The following INTU variants were observed in gnomAD, a reference collection of about 807,000 sequenced individuals.
The protein encoded by INTU is protein inturned.
A neutral mutation model predicts 100.5 loss-of-function variants in INTU; 68 were observed. That is an observed-to-expected ratio of 0.68 (90% confidence interval 0.56 to 0.83). INTU has a LOEUF of 0.83. INTU is among the 40% of genes least tolerant of loss of function. The pLI is 0.00. For synonymous variants in INTU, 357 were observed against 395.7 expected (o/e 0.90, Z 1.16); for missense variants, 1,071 against 1,114.7 (o/e 0.96, Z 0.56).
In INTU at chr4:127,649,446, C is replaced by T. The variant is rs147249065; in HGVS notation, c.682+5390C>T. ...ACTCATGAAGAATTATCTACCAACA[C>T]GATTCTACATATACAGGTTGAGTAC... On this transcript the variant is annotated intron_variant, in intron 2 of 15. Transcript: ENST00000335251. 2.0e-3 allele frequency among the ~76,000 whole-genome samples: 303 copies of T among 152,104 alleles called. 1 individual carries two copies. The highest frequency in any genetic ancestry group is 7.0e-3 in the African/African-American group (291 of 41,492).
At chr4:127,687,627 A>G (rs1216708603) in intron 7 of INTU, 51 bp from the exon 8 acceptor site, 18 of 1,476,828 alleles carry the variant, frequency 1.2e-5, no homozygotes, top group Non-Finnish European at 1.7e-5. Flanking sequence ...CACACAAAAA[A>G]TGACCACCAT....
chr4:127,686,301 A>T (rs911369188), intron 7 of INTU: 1 of 152,216 alleles, frequency 6.6e-6, no homozygotes, highest in Non-Finnish European at 1.5e-5. Flanking sequence ...CAAAATCTCC[A>T]ATCTGTCCAT....
intron 6 of INTU, chr4:127,675,888 A>G: frequency 3.3e-6 from 1 of 307,384 alleles, no homozygotes; most frequent in South Asian, 2.7e-5. Flanking sequence ...TCTAATTTCC[A>G]CCATTCTGTT....
At chr4:127,669,264 G>A in intron 5 of INTU, 110 bp downstream of exon 5, 2 of 545,542 alleles carry the variant, frequency 3.7e-6, no homozygotes, top group Non-Finnish European at 6.6e-6. Flanking sequence ...TATCTACAAT[G>A]TATGTATTAT....
At chr4:127,713,714 A>G (rs1486739360) in intron 14 of INTU, among the ~76,000 whole-genome samples, 1 of 152,192 alleles carries the variant, frequency 6.6e-6, no homozygotes, top group Non-Finnish European at 1.5e-5. Flanking sequence ...GCCTGTGAAC[A>G]AAGTGTTCCC....
At position 127,726,093 on chromosome 4, in the gene INTU, C is replaced by G. The variant is rs1165505021; in HGVS notation, c.*9657C>G. On this transcript the variant is annotated 3_prime_UTR_variant, in exon 16 of 16. Coordinates refer to ENST00000335251, the MANE Select transcript of INTU (RefSeq NM_015693.4). Reference sequence around the variant, plus strand: ...CTAGCATTTTTTAAAATATCAAATACTGTCTCATTATCATATGTTTAGCCC... The same window carrying G: ...CTAGCATTTTTTAAAATATCAAATAGTGTCTCATTATCATATGTTTAGCCC... 1 of 152,092 alleles carries G rather than the reference C, an allele frequency of 6.6e-6. No homozygotes were observed. Among genetic ancestry groups the G allele is most frequent in the African/African-American group, 2.4e-5 (1 of 41,418 alleles). The allele number at this position is 152,092 out of a possible 1,614,324, so 9.4% of individuals were successfully genotyped here.
intron 13 of INTU, among the ~76,000 whole-genome samples, chr4:127,710,267 A>C (rs1193403966): frequency 6.6e-6 from 1 of 152,126 alleles, no homozygotes; most frequent in Non-Finnish European, 1.5e-5. Context: ...GATGTAGTTC[A>C]TTTTAAAAGC....
intron 2 of INTU, among the ~76,000 whole-genome samples, chr4:127,644,804 T>G (rs966536291): frequency 6.6e-6 from 1 of 152,244 alleles, no homozygotes; most frequent in Non-Finnish European, 1.5e-5. Context: ...GACAGTCTTT[T>G]AAGTTTATCT....
At chr4:127,655,385 G>A (rs1208034424) in intron 2 of INTU, among the ~76,000 whole-genome samples, 2 of 151,040 alleles carry the variant, frequency 1.3e-5, no homozygotes, top group African/African-American at 4.9e-5. Flanking sequence ...TGATGGTGAT[G>A]TACAGATGGG....
intron 6 of INTU, among the ~76,000 whole-genome samples, chr4:127,682,313 A>G (rs1200742888): frequency 6.6e-6 from 1 of 152,102 alleles, no homozygotes; most frequent in Non-Finnish European, 1.5e-5. Context: ...ACGTATGTTT[A>G]TTGCAGCACT....
intron 12 of INTU, among the ~76,000 whole-genome samples, chr4:127,708,347 G>T (rs1730970296): frequency 6.6e-6 from 1 of 152,142 alleles, no homozygotes; most frequent in African/African-American, 2.4e-5. Flanking sequence ...AATGGCTCTG[G>T]TAGGAGGTTT....
At chr4:127,645,303 G>A (rs1010301673) in intron 2 of INTU, among the ~76,000 whole-genome samples, 38 of 151,982 alleles carry the variant, frequency 2.5e-4, no homozygotes, top group African/African-American at 9.2e-4. Flanking sequence ...GTTATTTTGG[G>A]GATACTTGCC....
chr4:127,681,837 T>G (rs1354921459), intron 6 of INTU, among the ~76,000 whole-genome samples: 1 of 151,432 alleles, frequency 6.6e-6, no homozygotes, highest in Non-Finnish European at 1.5e-5. Context: ...TGGGAGAAAA[T>G]TTTTGCAACC....
At chr4:127,700,160 C>A (rs1730587057) in intron 9 of INTU, 97 bp downstream of exon 9, 3 of 999,340 alleles carry the variant, frequency 3.0e-6, no homozygotes, top group Non-Finnish European at 4.5e-6. Context: ...ATATAATAAT[C>A]TTGAAATACA....
chr4:127,670,004 T>C (rs912050535), intron 5 of INTU, among the ~76,000 whole-genome samples: 1 of 151,826 alleles, frequency 6.6e-6, no homozygotes, highest in South Asian at 2.1e-4. Flanking sequence ...ATGAGCAACA[T>C]TGATGTCAAA....
chr4:127,716,373 T>C lies in INTU; in HGVS notation c.2766T>C (p.His922=). 1 of 1,592,202 alleles carries C rather than the reference T, an allele frequency of 6.3e-7. No individual in the cohort carries two copies. The highest frequency in any genetic ancestry group is 8.6e-7 in the Non-Finnish European group (1 of 1,169,506). ...CTCAAGAACTTTATGTCTGTTTTCATGACTCAGTCACAGAAATTGCCATTG... is the reference window on the plus strand; with the variant it reads ...CTCAAGAACTTTATGTCTGTTTTCACGACTCAGTCACAGAAATTGCCATTG... The part of the protein sequence containing the change: ...PKPQELYVCF[H]DSVTEIAIEI... The change falls in exon 16 of 16, where the codon CAT becomes CAC. Residue 922 remains histidine, a synonymous_variant. Coordinates refer to ENST00000335251, the MANE Select transcript of INTU (RefSeq NM_015693.4).
At chr4:127,684,777 A>T (rs1729741210) in intron 7 of INTU, among the ~76,000 whole-genome samples, 2 of 145,990 alleles carry the variant, frequency 1.4e-5, no homozygotes. Context: ...ACAGTTTTTC[A>T]TTTGATTCAT....
chr4:127,658,168 G>C (rs1011910124), intron 3 of INTU, among the ~76,000 whole-genome samples: 1 of 152,112 alleles, frequency 6.6e-6, no homozygotes, highest in African/African-American at 2.4e-5. Context: ...CCATTTATTT[G>C]TTTTAAACAT....
Position 127,674,154 on chromosome 4 carries a change from T to A in INTU, c.1122T>A (p.Ile374=), listed in dbSNP as rs184601561. Residue 374 remains isoleucine, a synonymous_variant, in exon 6 of 16, where the codon ATT becomes ATA. Coordinates refer to ENST00000335251, the MANE Select transcript of INTU (RefSeq NM_015693.4). ...SSSLLLNGKQ[I]HVAYWKESDK... ...CCCTCCTTTTAAATGGAAAACAAAT[T>A]CATGTGGCTTATTGGAAAGAATCTG... 6.2e-7 allele frequency: 1 copy of A among 1,612,268 alleles called. No individual in the cohort carries two copies. The highest frequency in any genetic ancestry group is 2.2e-5 in the East Asian group (1 of 44,814).
Sources: gnomAD v4.1 joint callset for allele counts (sites outside exome capture counted in the v4.1 genomes callset) on GRCh38, gnomAD v4.1.1 for gene constraint, MANE v1.5 for transcripts, NCBI Gene and HGNC (gene_info 2026-07-23, HGNC 2026-07-21) for gene names.